Variants in JMJD1C observed in about 807,000 individuals in gnomAD.
JMJD1C encodes jumonji domain-containing protein 1C.
Under a neutral mutation model 245.3 loss-of-function variants are expected in JMJD1C, and 31 were observed. That is an observed-to-expected ratio of 0.13 (90% CI 0.09 to 0.17). The LOEUF is 0.17. JMJD1C is among the 10% of genes least tolerant of loss of function. The pLI is 1.00. For missense variants in JMJD1C, 2,691 were observed against 3,000.2 expected, an observed-to-expected ratio of 0.90 and a Z score of 2.41; for synonymous variants, 1,057 against 1,017.4, an observed-to-expected ratio of 1.04 and a Z score of -0.74.
intron 3 of JMJD1C, among the ~76,000 whole-genome samples, chr10:63,260,434 T>C (rs1854550829): frequency 6.6e-6 from 1 of 152,130 alleles, no homozygotes; most frequent in Non-Finnish European, 1.5e-5. Context: ...GATTTCAAAA[T>C]CATGCTAAAA....
intron 2 of JMJD1C, among the ~76,000 whole-genome samples, chr10:63,290,405 T>G (rs1858512920): frequency 6.6e-6 from 1 of 151,834 alleles, no homozygotes; most frequent in Admixed American, 6.6e-5. Flanking sequence ...CCCGTCCCTA[T>G]TAAAAATTAG....
rs139460364 is a variant in JMJD1C at position 63,198,278 on chromosome 10, T to G, written c.5491+235A>C. Among the ~76,000 whole-genome samples the G allele has an allele frequency of 6.8e-4, 103 of 152,324 alleles. 1 individual carries two copies. The highest frequency in any genetic ancestry group is 2.4e-3 in the African/African-American group (100 of 41,578). On this transcript the variant is annotated intron_variant, in intron 12 of 25. Transcript: ENST00000399262. ...AAGTGGGTTTAACACATTAACTTAA[T>G]GTTGTAATGGCAGAAACAGCAAAAT...
intron 3 of JMJD1C, among the ~76,000 whole-genome samples, chr10:63,254,915 G>A (rs12773235): frequency 0.21 from 30,557 of 148,748 alleles, 4,046 homozygotes; most frequent in Non-Finnish European, 0.3. Context: ...GTGCAGTGGC[G>A]AGACCATGGC....
At chr10:63,247,938 G>C (rs539126570) in intron 3 of JMJD1C, among the ~76,000 whole-genome samples, 3 of 152,036 alleles carry the variant, frequency 2.0e-5, no homozygotes, top group African/African-American at 7.2e-5. Context: ...ACAAAAAAAG[G>C]AAACTATAGG....
chr10:63,189,352 A>T lies in JMJD1C; in HGVS notation c.6386T>A (p.Ile2129Lys). The T allele has an allele frequency of 1.2e-6, 2 of 1,613,786 alleles. No homozygotes were observed. The highest frequency in any genetic ancestry group is 1.7e-6 in the Non-Finnish European group (2 of 1,179,856). ...NKIPPSKTSK[I>K]NVKPELKEEP... ...TTCTTTAAGCTCTGGTTTTACATTT[A>T]TCTTGGAGGTTTTACTTGGTGGAAT... Residue 2129 changes from isoleucine to lysine, a missense_variant, in exon 18 of 26, where the codon ATA becomes AAA. Coordinates refer to ENST00000399262, the MANE Select transcript of JMJD1C (RefSeq NM_032776.3).
intron 1 of JMJD1C, among the ~76,000 whole-genome samples, chr10:63,407,034 T>G (rs977800523): frequency 1.3e-5 from 2 of 152,082 alleles, no homozygotes; most frequent in Non-Finnish European, 2.9e-5. Context: ...AGCCAAATAT[T>G]AGGGAAAGCT....
chr10:63,368,642 C>T (rs1378894492), intron 2 of JMJD1C, among the ~76,000 whole-genome samples: 2 of 152,182 alleles, frequency 1.3e-5, no homozygotes, highest in Non-Finnish European at 2.9e-5. Context: ...TATGGCATAA[C>T]AAGTGACACT....
chr10:63,465,407 C>T (rs1032762288), intron 1 of JMJD1C, 88 bp downstream of exon 1: 35 of 1,327,494 alleles, frequency 2.6e-5, no homozygotes, highest in Non-Finnish European at 3.3e-5. Flanking sequence ...CCGGGCTGAG[C>T]GAGGCGCCAG....
chr10:63,206,891 T>C lies in JMJD1C; in HGVS notation c.4778A>G (p.Asp1593Gly). Residue 1593 changes from aspartate to glycine, a missense_variant, in exon 10 of 26, where the codon GAT (aspartate) becomes GGT (glycine). By Grantham distance (94) the Asp-to-Gly change is moderately conservative. Around this residue, in one of 9 missense-constraint regions of JMJD1C, gnomAD observed 144 missense variants for 143.3 expected, o/e 1.00. Transcript: ENST00000399262. ...SVNLIASTSS[D>G]IQNSVDSKII... Reference sequence around the variant, plus strand: ...CTTACTATCTACACTATTTTGTATATCACTAGATGTAGAGGCTATTAAGTT... The same window carrying C: ...CTTACTATCTACACTATTTTGTATACCACTAGATGTAGAGGCTATTAAGTT... 6.2e-7 allele frequency: 1 copy of C among 1,608,484 alleles called. No individual in the cohort carries two copies. Among genetic ancestry groups the C allele is most frequent in the Non-Finnish European group, 8.5e-7 (1 of 1,176,000 alleles).
At chr10:63,360,781 T>G (rs1047477351) in intron 2 of JMJD1C, among the ~76,000 whole-genome samples, 1 of 151,800 alleles carries the variant, frequency 6.6e-6, no homozygotes, top group Non-Finnish European at 1.5e-5. Flanking sequence ...ATTTTAAAAG[T>G]ATAGTTTCTT....
chr10:63,208,404 G>T lies in JMJD1C; in HGVS notation c.3265C>A (p.Pro1089Thr). The T allele has an allele frequency of 1.2e-6, 2 of 1,613,998 alleles. No homozygotes were observed. Among genetic ancestry groups the T allele is most frequent in the Non-Finnish European group, 1.7e-6 (2 of 1,179,938 alleles). Residue 1089 changes from proline to threonine, a missense_variant, in exon 10 of 26, where the codon CCC becomes ACC. Pro to Thr is a conservative substitution (Grantham distance 38, BLOSUM62 -1). Around this residue, in one of 9 missense-constraint regions of JMJD1C, gnomAD observed 1,562 missense variants for 1,490.7 expected, o/e 1.05. Coordinates refer to ENST00000399262, the MANE Select transcript of JMJD1C (RefSeq NM_032776.3). ...KMKHSVPQSL[P>T]QSNYFTTLSN... The stretch of plus-strand genomic sequence containing the variant: ...AATGTAGTGAAATAGTTACTTTGGG[G>T]TAAACTCTGAGGCACTGAGTGCTTC...
At chr10:63,277,219 T>A (rs1856875524) in intron 2 of JMJD1C, among the ~76,000 whole-genome samples, 1 of 150,368 alleles carries the variant, frequency 6.7e-6, no homozygotes, top group African/African-American at 2.4e-5. Flanking sequence ...TTTTAATCAA[T>A]GTTGACCAGG....
chr10:63,345,541 G>C (rs908067101), intron 2 of JMJD1C, among the ~76,000 whole-genome samples: 4 of 148,652 alleles, frequency 2.7e-5, no homozygotes, highest in Admixed American at 1.3e-4. Flanking sequence ...CTATGGAACA[G>C]CATAAATGAA....
At chr10:63,270,073 C>T (rs1856092473) in intron 2 of JMJD1C, among the ~76,000 whole-genome samples, 1 of 152,098 alleles carries the variant, frequency 6.6e-6, no homozygotes, top group South Asian at 2.1e-4. Context: ...AAAATTAATA[C>T]ACCTATGTTA....
intron 2 of JMJD1C, among the ~76,000 whole-genome samples, chr10:63,290,560 CA>C (rs1858540375): frequency 6.6e-6 from 1 of 151,398 alleles, no homozygotes; most frequent in Admixed American, 6.6e-5. Flanking sequence ...GACTCTGTCT[CA>C]AAAATAAATA....
At chr10:63,399,366 C>T (rs1018815975) in intron 1 of JMJD1C, among the ~76,000 whole-genome samples, 6 of 152,098 alleles carry the variant, frequency 3.9e-5, no homozygotes, top group African/African-American at 1.4e-4. Flanking sequence ...TACTTTTCTG[C>T]GGGAAACAGT....
intron 1 of JMJD1C, among the ~76,000 whole-genome samples, chr10:63,428,611 C>CT: frequency 6.6e-6 from 1 of 152,086 alleles, no homozygotes; most frequent in Non-Finnish European, 1.5e-5. Context: ...CAAAACCATT[C>CT]TTCAGTTCAA....
chr10:63,360,983 T>C (rs1945277689), intron 2 of JMJD1C, among the ~76,000 whole-genome samples: 1 of 152,178 alleles, frequency 6.6e-6, no homozygotes, highest in Non-Finnish European at 1.5e-5. Context: ...TACTTTCAAT[T>C]GTTTTCCATT....
At position 63,399,579 on chromosome 10, in the gene JMJD1C, C is replaced by T. The variant is rs189155215; in HGVS notation, c.169-19097G>A. On this transcript the variant is annotated intron_variant, in intron 1 of 25. Coordinates refer to ENST00000399262, the MANE Select transcript of JMJD1C (RefSeq NM_032776.3). Reference sequence around the variant, plus strand: ...CAACATAAACTCATTTACTTTGTCACACAATATATATACAACAGTCTAGAA... The same window carrying T: ...CAACATAAACTCATTTACTTTGTCATACAATATATATACAACAGTCTAGAA... Among the ~76,000 whole-genome samples the T allele has an allele frequency of 5.9e-5, 9 of 152,208 alleles. No homozygotes were observed. In the East Asian group the frequency reaches 1.5e-3, roughly 26 times the overall value.
Sources: gnomAD v4.1 joint callset for allele counts (sites outside exome capture counted in the v4.1 genomes callset) on GRCh38, gnomAD v4.1.1 for gene constraint, gnomAD v4.1.1 regional missense constraint, MANE v1.5 for transcripts, NCBI Gene and HGNC (gene_info 2026-07-23, HGNC 2026-07-21) for gene names.